LSP1: variants seen among roughly 807,000 people sequenced by gnomAD.
The protein encoded by LSP1 is lymphocyte-specific protein 1.
A neutral mutation model predicts 49.3 loss-of-function variants in LSP1; 32 were observed. That is an observed-to-expected ratio of 0.65 (90% CI 0.49 to 0.87). The LOEUF (loss-of-function observed/expected upper bound fraction) is 0.87. LSP1 is among the 40% of genes least tolerant of loss of function. The probability of loss-of-function intolerance (pLI) is 0.00; values close to 1 mark genes in which losing one functional copy is unlikely to be tolerated. For synonymous variants in LSP1, 179 were observed against 178.8 expected (o/e 1.00, Z -0.01); for missense variants, 428 against 442.6 (o/e 0.97, Z 0.30).
At chr11:1,886,031 A>G (rs1484175415) in intron 7 of LSP1, among the ~76,000 whole-genome samples, 4 of 152,034 alleles carry the variant, frequency 2.6e-5, no homozygotes, top group African/African-American at 7.3e-5. Flanking sequence ...CCTCCGTCCT[A>G]TCAATGCTCC....
At chr11:1,854,274 C>T (rs1214262993) in intron 1 of LSP1, among the ~76,000 whole-genome samples, 2 of 152,104 alleles carry the variant, frequency 1.3e-5, no homozygotes, top group Non-Finnish European at 2.9e-5. Flanking sequence ...CCCGCAGCCA[C>T]ACAGGACGGA....
chr11:1,889,172 G>A (rs920788152), intron 10 of LSP1: 25 of 674,338 alleles, frequency 3.7e-5, no homozygotes, highest in Non-Finnish European at 6.6e-5. Flanking sequence ...CAGTCGCTGT[G>A]CGGTTGAAGT....
At chr11:1,874,797 G>A (rs1292227883) in intron 1 of LSP1, among the ~76,000 whole-genome samples, 1 of 152,102 alleles carries the variant, frequency 6.6e-6, no homozygotes, top group East Asian at 1.9e-4. Flanking sequence ...AAGCACCTAG[G>A]GGGTCCCTCA....
In LSP1 at chr11:1,884,426, T is replaced by C; in HGVS notation, c.636-74T>C. On this transcript the variant is annotated intron_variant, in intron 6 of 10. Transcript: ENST00000311604. The surrounding 1 kb of genome is among the most constrained non-coding windows in gnomAD (Gnocchi z 4.1). ...TAGAGATCTGGAGACCGAGGGGGGC[T>C]CTGGGAGAGGCTTGGGCAGGTTGGG... 6.2e-7 allele frequency: 1 copy of C among 1,604,584 alleles called. No homozygotes were observed. Among genetic ancestry groups the C allele is most frequent in the Non-Finnish European group, 8.5e-7 (1 of 1,171,512 alleles).
chr11:1,887,677 A>T, intron 10 of LSP1, 101 bp downstream of exon 10: 2 of 849,556 alleles, frequency 2.4e-6, no homozygotes, highest in South Asian at 3.2e-5. Context: ...GTTGCAGGCT[A>T]CAAGGGTGGA....
intron 4 of LSP1, 32 bp downstream of exon 4, chr11:1,883,592 A>G: frequency 6.3e-7 from 1 of 1,577,140 alleles, no homozygotes; most frequent in South Asian, 1.1e-5. Flanking sequence ...GTCTGGGTGT[A>G]CCCCCACCCC....
At chr11:1,855,727 A>G (rs991278992) in intron 1 of LSP1, among the ~76,000 whole-genome samples, 4 of 152,198 alleles carry the variant, frequency 2.6e-5, no homozygotes, top group African/African-American at 9.6e-5. Flanking sequence ...TGTCCAGCAG[A>G]CAGTCACTAG....
At chr11:1,891,062 G>C (rs1848981227) in intron 10 of LSP1, 1 of 159,748 alleles carries the variant, frequency 6.3e-6, no homozygotes, top group African/African-American at 2.4e-5. Context: ...GTTGTCGCCG[G>C]CTCAACCACA....
Position 1,884,722 on chromosome 11 carries a change from GTGCCCCTCTACCCAATCAA to G in LSP1, c.717+150_717+168del. The G allele has an allele frequency of 1.5e-6, 1 of 680,462 alleles. No individual in the cohort carries two copies. Among genetic ancestry groups the G allele is most frequent in the Non-Finnish European group, 2.6e-6 (1 of 386,686 alleles). 42.2% of individuals were successfully genotyped at this position (680,462 alleles called of 1,614,324 possible). On this transcript the variant is annotated intron_variant, in intron 7 of 10. Coordinates refer to ENST00000311604, the MANE Select transcript of LSP1 (RefSeq NM_002339.3). The surrounding 1 kb of genome is among the most constrained non-coding windows in gnomAD (Gnocchi z 4.1). The stretch of plus-strand genomic sequence containing the variant: ...CAACCAATGCTTCTCCATCCAGTCA[GTGCCCCTCTACCCAATCAA>G]TGCCCCTCCATCTAATCAATGTCAC...
chr11:1,871,524 G>A, intron 1 of LSP1: 1 of 963,338 alleles, frequency 1.0e-6, no homozygotes. Flanking sequence ...CCAATGGGAA[G>A]CCAGGGGTAG....
At chr11:1,860,810 T>C (rs185809289) in intron 1 of LSP1, among the ~76,000 whole-genome samples, 156 of 151,610 alleles carry the variant, frequency 1.0e-3, no homozygotes, top group African/African-American at 3.7e-3. Context: ...AATGGGTAAA[T>C]GAATGTATTG....
rs1301133500 is a variant in LSP1, at chr11:1,873,932, G to A, written c.54-6155G>A. On this transcript the variant is annotated intron_variant, in intron 1 of 10. Coordinates refer to ENST00000311604, the MANE Select transcript of LSP1 (RefSeq NM_002339.3). The stretch of plus-strand genomic sequence containing the variant: ...GGGAGGCCGGCGGAGGAGGGAGGCC[G>A]GCAGAGGAGGGAGGCCGGCAGAGCA... 3.8e-4 allele frequency among the ~76,000 whole-genome samples: 52 copies of A among 135,572 alleles called. 1 individual carries two copies. Among genetic ancestry groups the A allele is most frequent in the Non-Finnish European group, 4.2e-4 (27 of 63,910 alleles). The allele number at this position is 135,572 out of a possible 152,430, so 88.9% of individuals were successfully genotyped here.
intron 1 of LSP1, among the ~76,000 whole-genome samples, chr11:1,856,017 G>A (rs1847480270): frequency 6.6e-6 from 1 of 152,192 alleles, no homozygotes; most frequent in South Asian, 2.1e-4. Context: ...CCTCCCTGGG[G>A]TCACACTGCA....
intron 1 of LSP1, chr11:1,870,280 G>C: frequency 7.7e-7 from 1 of 1,302,980 alleles, no homozygotes; most frequent in Non-Finnish European, 1.0e-6. Flanking sequence ...TGAGGCTCAG[G>C]GAGGCACCAA....
At position 1,884,165 on chromosome 11, in the gene LSP1, G is replaced by A. The variant is rs530156864; in HGVS notation, c.592-115G>A. On this transcript the variant is annotated intron_variant, in intron 5 of 10. Transcript: ENST00000311604. This position sits in a 1 kb window ranked among gnomAD's most constrained non-coding sequence, Gnocchi z 4.1. ...ATCCCCCCATTGCCCGGTGCTCAGC[G>A]AACCCCCATGATATAAGGGTTGGGG... 53 of 1,430,480 alleles carry A rather than the reference G, an allele frequency of 3.7e-5. No homozygotes were observed. Among genetic ancestry groups the A allele is most frequent in the Middle Eastern group, 1.8e-4 (1 of 5,678 alleles). The allele number at this position is 1,430,480 out of a possible 1,614,324, so 88.6% of individuals were successfully genotyped here.
chr11:1,880,291 G>T (rs1367469406), intron 2 of LSP1, 67 bp downstream of exon 2: 41 of 1,460,976 alleles, frequency 2.8e-5, no homozygotes, highest in Admixed American at 7.8e-5. Flanking sequence ...CCTGGGCAGA[G>T]GGGGAGGTCA....
At chr11:1,882,092 G>A (rs377231106) in intron 3 of LSP1, among the ~76,000 whole-genome samples, 32 of 152,260 alleles carry the variant, frequency 2.1e-4, no homozygotes, top group African/African-American at 7.0e-4. Flanking sequence ...CCGGAGAGTC[G>A]GCCGGGAGGA....
chr11:1,865,013 C>T (rs531205617), intron 1 of LSP1, among the ~76,000 whole-genome samples: 10 of 151,458 alleles, frequency 6.6e-5, no homozygotes, highest in African/African-American at 2.2e-4. Flanking sequence ...CAGGGCAGAG[C>T]GCCAAGGAAG....
At chr11:1,882,900 C>G (rs1848603902) in intron 3 of LSP1, among the ~76,000 whole-genome samples, 2 of 152,236 alleles carry the variant, frequency 1.3e-5, no homozygotes, top group Non-Finnish European at 2.9e-5. Context: ...CTGGCCTCCC[C>G]TCCCCCGCAG....
Sources: allele counts gnomAD v4.1 joint callset (sites outside exome capture counted in the v4.1 genomes callset), GRCh38; gene constraint gnomAD v4.1.1; non-coding constraint Gnocchi (gnomAD v3.1); transcripts MANE v1.5; gene names NCBI Gene and HGNC (gene_info 2026-07-23, HGNC 2026-07-21).